MGA: variants seen among roughly 807,000 people sequenced by gnomAD.
MGA encodes MAX gene-associated protein.
A neutral mutation model predicts 261.1 loss-of-function variants in MGA; 40 were observed. The ratio of observed to expected loss-of-function variants is 0.15; its 90% confidence interval spans 0.12 to 0.20. The LOEUF (loss-of-function observed/expected upper bound fraction) is 0.20, where lower values mean the gene tolerates loss of function less well. Ranked by LOEUF, MGA falls within the 10% of genes least tolerant of loss-of-function variation. The pLI is 1.00. For missense variants in MGA, 3,397 were observed against 3,630.5 expected (o/e 0.94, Z 1.65); for synonymous variants, 1,302 against 1,290.6 (o/e 1.01, Z -0.19).
intron 2 of MGA, chr15:41,691,725 T>G: frequency 2.5e-6 from 1 of 397,718 alleles, no homozygotes; most frequent in Non-Finnish European, 5.6e-6. Flanking sequence ...CACTTCATGA[T>G]TGGCGGTAAA....
At chr15:41,738,255 C>T (rs982958805) in intron 13 of MGA, among the ~76,000 whole-genome samples, 12 of 151,620 alleles carry the variant, frequency 7.9e-5, no homozygotes, top group African/African-American at 1.7e-4. Flanking sequence ...AAAAATTAGC[C>T]GGGCATGGTG....
intron 1 of MGA, among the ~76,000 whole-genome samples, chr15:41,648,791 G>T (rs969285142): frequency 1.3e-5 from 2 of 152,174 alleles, no homozygotes; most frequent in African/African-American, 2.4e-5. Context: ...TATTCTAAAT[G>T]AAATGGGAAG....
chr15:41,761,602 A>G, intron 20 of MGA, 137 bp from the exon 21 acceptor site: 3 of 577,032 alleles, frequency 5.2e-6, no homozygotes, highest in Non-Finnish European at 6.1e-6. Context: ...TGAAACATCA[A>G]CAATTGTTAA....
intron 18 of MGA, among the ~76,000 whole-genome samples, chr15:41,755,304 T>G (rs1595991054): frequency 6.6e-6 from 1 of 152,238 alleles, no homozygotes; most frequent in East Asian, 1.9e-4. Flanking sequence ...TCGTTCCTAC[T>G]GATGCTGAGA....
intron 15 of MGA, among the ~76,000 whole-genome samples, chr15:41,746,400 C>T (rs1366552610): frequency 2.0e-5 from 3 of 151,694 alleles, no homozygotes; most frequent in African/African-American, 4.8e-5. Context: ...AAAAATTAGC[C>T]GGATGTGGTG....
intron 1 of MGA, among the ~76,000 whole-genome samples, chr15:41,630,244 T>G (rs1595540009): frequency 6.6e-6 from 1 of 152,296 alleles, no homozygotes; most frequent in Non-Finnish European, 1.5e-5. Flanking sequence ...ATATCCACCT[T>G]AAATTTGCTA....
chr15:41,627,736 A>C (rs2056489802), intron 1 of MGA, among the ~76,000 whole-genome samples: 1 of 152,248 alleles, frequency 6.6e-6, no homozygotes, highest in Admixed American at 6.5e-5. Flanking sequence ...AATAATGACG[A>C]AGTTGCCTGA....
chr15:41,628,726 C>A (rs894838697), intron 1 of MGA, among the ~76,000 whole-genome samples: 1 of 152,102 alleles, frequency 6.6e-6, no homozygotes, highest in African/African-American at 2.4e-5. Flanking sequence ...TTGTGTAGAG[C>A]CTTGCAGGCC....
chr15:41,762,517 C>T (rs2063538796), intron 22 of MGA, among the ~76,000 whole-genome samples, 155 bp downstream of exon 22: 1 of 115,356 alleles, frequency 8.7e-6, no homozygotes, highest in South Asian at 3.0e-4. Context: ...GCCCAGGCTG[C>T]AGTTGCAGTG....
chr15:41,696,472 G>A lies in MGA; in HGVS notation c.1462G>A (p.Asp488Asn), dbSNP rs752558349. ...CACAGTTAAGATTTCTGAACTCCCC[G>A]ATAACATGCTTTCCACATCTCGAAA... Residue 488 changes from aspartate (D) to asparagine (N), a missense_variant, in exon 3 of 24, where the codon GAT becomes AAT. Around this residue, in one of 9 missense-constraint regions of MGA, gnomAD observed 563 missense variants for 563.6 expected, o/e 1.00. Coordinates refer to ENST00000219905, the MANE Select transcript of MGA (RefSeq NM_001164273.2). The A allele has an allele frequency of 6.2e-7, 1 of 1,613,976 alleles. No homozygotes were observed. Among genetic ancestry groups the A allele is most frequent in the Non-Finnish European group, 8.5e-7 (1 of 1,179,898 alleles).
rs901538761 is a variant in MGA, at chr15:41,669,682, T to A, written c.788T>A (p.Leu263Gln). The change falls in exon 2 of 24, where the codon CTG becomes CAG. Residue 263 changes from leucine (L) to glutamine (Q), a missense_variant. Transcript: ENST00000219905. ...GCCAAAGGCTTTCGGGATGATGGGCTGAATAATAAGCCCCAGAGAGATGGA... is the reference window on the plus strand; with the variant it reads ...GCCAAAGGCTTTCGGGATGATGGGCAGAATAATAAGCCCCAGAGAGATGGA... 6.2e-7 allele frequency: 1 copy of A among 1,613,644 alleles called. No homozygotes were observed. The highest frequency in any genetic ancestry group is 1.3e-5 in the African/African-American group (1 of 75,040).
chr15:41,660,859 G>T (rs2057354631), intron 1 of MGA, among the ~76,000 whole-genome samples: 1 of 152,216 alleles, frequency 6.6e-6, no homozygotes. Flanking sequence ...CGTGTGTGGG[G>T]TGCCGCTCCG....
intron 13 of MGA, 45 bp from the exon 14 acceptor site, chr15:41,739,861 A>T: frequency 1.3e-6 from 2 of 1,577,696 alleles, no homozygotes; most frequent in Non-Finnish European, 1.7e-6. Flanking sequence ...GGAGTTAGCA[A>T]GAGAATTTTA....
intron 5 of MGA, among the ~76,000 whole-genome samples, chr15:41,702,504 C>T (rs1399768101): frequency 6.6e-6 from 1 of 152,128 alleles, no homozygotes; most frequent in Non-Finnish European, 1.5e-5. Flanking sequence ...TGTCATATTT[C>T]CTTGTCCTGC....
intron 19 of MGA, among the ~76,000 whole-genome samples, chr15:41,758,096 G>A (rs1263981817): frequency 6.6e-6 from 1 of 152,072 alleles, no homozygotes; most frequent in Non-Finnish European, 1.5e-5. Flanking sequence ...GAGAATATAT[G>A]TGGTTATTTG....
chr15:41,756,677 A>G (rs1169845164), intron 18 of MGA, among the ~76,000 whole-genome samples: 1 of 152,232 alleles, frequency 6.6e-6, no homozygotes, highest in African/African-American at 2.4e-5. Context: ...GTGGAATACT[A>G]TATAACTATA....
Position 41,669,669 on chromosome 15 carries a change from C to A in MGA, c.775C>A (p.Arg259=). 6.2e-7 allele frequency: 1 copy of A among 1,613,584 alleles called. No homozygotes were observed. The highest frequency in any genetic ancestry group is 8.5e-7 in the Non-Finnish European group (1 of 1,179,720). Residue 259 remains arginine (R), a synonymous_variant, in exon 2 of 24, where the codon CGG becomes AGG. Coordinates refer to ENST00000219905, the MANE Select transcript of MGA (RefSeq NM_001164273.2). Reference sequence around the variant, plus strand: ...TTACAATCCATTTGCCAAAGGCTTTCGGGATGATGGGCTGAATAATAAGCC... The same window carrying A: ...TTACAATCCATTTGCCAAAGGCTTTAGGGATGATGGGCTGAATAATAAGCC...
chr15:41,655,502 T>G (rs2150749217), upstream of MGA, among the ~76,000 whole-genome samples: 1 of 152,342 alleles, frequency 6.6e-6, no homozygotes, highest in East Asian at 1.9e-4. Flanking sequence ...CATCTTTACT[T>G]ATAATACCTA....
intron 3 of MGA, among the ~76,000 whole-genome samples, chr15:41,698,615 G>A (rs1326675641): frequency 6.6e-6 from 1 of 152,144 alleles, no homozygotes; most frequent in Non-Finnish European, 1.5e-5. Flanking sequence ...AGTTAGCTCA[G>A]TATGACATCG....
Sources: allele counts gnomAD v4.1 joint callset (sites outside exome capture counted in the v4.1 genomes callset), GRCh38; gene constraint gnomAD v4.1.1; regional missense constraint gnomAD v4.1.1; transcripts MANE v1.5; gene names NCBI Gene and HGNC (gene_info 2026-07-23, HGNC 2026-07-21).